Variants in C2orf42 observed in about 807,000 individuals in gnomAD.
C2orf42 encodes the protein uncharacterized protein C2orf42.
C2orf42 carries 44 observed loss-of-function variants against 58.9 expected under a neutral mutation model. The observed-to-expected ratio is 0.75, with a 90% CI of 0.59 to 0.96. The LOEUF is 0.96. Ranked by LOEUF, C2orf42 falls within the 40% of genes least tolerant of loss-of-function variation. C2orf42 has a pLI of 0.00. For missense variants in C2orf42, 630 were observed against 699.2 expected (o/e 0.90, Z 1.12); for synonymous variants, 239 against 265.4 (o/e 0.90, Z 0.97).
intron 7 of C2orf42, 55 bp from the exon 8 acceptor site, chr2:70,165,247 G>A (rs11126263): frequency 0.1 from 101,706 of 1,017,054 alleles, 9,312 homozygotes; most frequent in African/African-American, 0.4. Flanking sequence ...ATTTTCTTTT[G>A]TTGTATTTGT....
chr2:70,165,549 GT>G lies in C2orf42; in HGVS notation c.1230del (p.Lys410AsnfsTer38). On this transcript the variant is annotated frameshift_variant, in exon 7 of 10. Transcript: ENST00000264434. LOFTEE classifies it high-confidence loss of function. ...QQRISIGSAK[K>X]RLPNSTTAFV... is the part of the protein sequence containing the mutation. The stretch of plus-strand genomic sequence containing the variant: ...GTACCTGTGGTGGAGTTGGGGAGCC[GT>G]TTTTTTGCACTTCCTATAGATATTC... The G allele has an allele frequency of 2.5e-6, 4 of 1,603,480 alleles. No homozygotes were observed. The highest frequency in any genetic ancestry group is 3.4e-6 in the Non-Finnish European group (4 of 1,170,446).
chr2:70,155,436 T>A lies in C2orf42; in HGVS notation c.1517-4872A>T, dbSNP rs368880744. On this transcript the variant is annotated intron_variant, in intron 9 of 9. Transcript: ENST00000264434. ...CCAGCCTCCCAAAGTGCTGGGATTA[T>A]AGGTGTGAGCTGCTGTGCTCTGTCA... Among the ~76,000 whole-genome samples the A allele has an allele frequency of 7.9e-5, 12 of 152,122 alleles. No individual in the cohort carries two copies. In the East Asian group the frequency reaches 9.7e-4, roughly 12 times the overall value.
chr2:70,177,152 A>T (rs931713914), intron 4 of C2orf42, among the ~76,000 whole-genome samples: 4 of 151,958 alleles, frequency 2.6e-5, no homozygotes, highest in African/African-American at 9.7e-5. Flanking sequence ...AGCACCTGTA[A>T]TCACAGCTAC....
At chr2:70,187,252 T>G (rs1675004482) in intron 1 of C2orf42, among the ~76,000 whole-genome samples, 2 of 151,694 alleles carry the variant, frequency 1.3e-5, no homozygotes, top group Non-Finnish European at 2.9e-5. Flanking sequence ...TTCTTTTACT[T>G]TTGTTGTTGT....
At chr2:70,168,967 G>A (rs560331445) in intron 6 of C2orf42, among the ~76,000 whole-genome samples, 8 of 151,980 alleles carry the variant, frequency 5.3e-5, no homozygotes, top group East Asian at 1.9e-4. Flanking sequence ...CGCCCACCTC[G>A]GCCTCCCAAA....
In C2orf42 at chr2:70,182,730, T is replaced by C. The variant is rs990363843; in HGVS notation, c.-76A>G. 2.0e-5 allele frequency: 3 copies of C among 152,182 alleles called. No individual in the cohort carries two copies. Among genetic ancestry groups the C allele is most frequent in the African/African-American group, 7.2e-5 (3 of 41,444 alleles). The allele number at this position is 152,182 out of a possible 1,614,324, so 9.4% of individuals were successfully genotyped here. A position where few individuals can be genotyped will look rare whatever the true frequency, so the allele number is the denominator to read the frequency against. ...CTGAATTCATAAGACTTAAAAGGTG[T>C]TTCATTAGTTTCTAATGATCAGGTG... On this transcript the variant is annotated 5_prime_UTR_variant, in exon 2 of 10. Coordinates refer to ENST00000264434, the MANE Select transcript of C2orf42 (RefSeq NM_017880.3).
At chr2:70,172,020 C>G (rs1435183309) in intron 5 of C2orf42, among the ~76,000 whole-genome samples, 2 of 148,662 alleles carry the variant, frequency 1.3e-5, no homozygotes, top group African/African-American at 4.9e-5. Flanking sequence ...GTCAGGAATT[C>G]GAGACCAGCC....
At chr2:70,179,883 G>A (rs1457694714) in intron 3 of C2orf42, among the ~76,000 whole-genome samples, 1 of 151,966 alleles carries the variant, frequency 6.6e-6, no homozygotes, top group Non-Finnish European at 1.5e-5. Flanking sequence ...AGGCTGTAAT[G>A]AGCCGTGATT....
rs1572954640 is a variant in C2orf42 at position 70,150,437 on chromosome 2, A to G, written c.1644T>C (p.His548=). The change falls in exon 10 of 10, where the codon CAT becomes CAC. Residue 548 remains histidine, a synonymous_variant. Transcript: ENST00000264434. ...KFEYGHHRNG[H]VAEYQDQRPP... ...GCCGCTGGTCTTGGTACTCCGCCAC[A>G]TGCCCATTCCGGTGGTGGCCATACT... 3 of 1,614,042 alleles carry G rather than the reference A, an allele frequency of 1.9e-6. No homozygotes were observed. Among genetic ancestry groups the G allele is most frequent in the African/African-American group, 2.7e-5 (2 of 74,912 alleles).
At chr2:70,152,436 AC>A (rs1403871133) in intron 9 of C2orf42, among the ~76,000 whole-genome samples, 1 of 152,210 alleles carries the variant, frequency 6.6e-6, no homozygotes, top group Non-Finnish European at 1.5e-5. Flanking sequence ...ACTGATGAAC[AC>A]TAAGACTACT....
chr2:70,184,708 T>C (rs968406105), intron 1 of C2orf42, among the ~76,000 whole-genome samples: 2 of 151,914 alleles, frequency 1.3e-5, no homozygotes, highest in African/African-American at 4.8e-5. Context: ...TTTGAACTCC[T>C]GGGCTCAAGC....
intron 5 of C2orf42, among the ~76,000 whole-genome samples, chr2:70,174,322 A>G (rs1469768448): frequency 6.6e-6 from 1 of 152,128 alleles, no homozygotes; most frequent in Non-Finnish European, 1.5e-5. Context: ...ATAAATAAAT[A>G]AATAAAAATA....
rs755398826 is a variant in C2orf42, at chr2:70,169,677, C to A, written c.1040-16G>T. The A allele has an allele frequency of 3.5e-5, 41 of 1,179,362 alleles. No individual in the cohort carries two copies. Among genetic ancestry groups the A allele is most frequent in the African/African-American group, 1.0e-4 (7 of 66,720 alleles). The allele number at this position is 1,179,362 out of a possible 1,614,324, so 73.1% of individuals were successfully genotyped here. On this transcript the variant is annotated splice_polypyrimidine_tract_variant and intron_variant, in intron 5 of 9. Coordinates refer to ENST00000264434, the MANE Select transcript of C2orf42 (RefSeq NM_017880.3). ...TGACCACAGGCTAGGGAAAAAAAAA[C>A]CACACATACACACTTCTTTAGTAAC...
intron 7 of C2orf42, 91 bp from the exon 8 acceptor site, chr2:70,165,283 T>C (rs1257420075): frequency 4.2e-6 from 3 of 721,480 alleles, no homozygotes; most frequent in African/African-American, 3.6e-5. Flanking sequence ...ACAGTACTAT[T>C]ATTTCCTTAT....
chr2:70,156,360 C>T (rs967409739), intron 9 of C2orf42, among the ~76,000 whole-genome samples: 3 of 151,960 alleles, frequency 2.0e-5, no homozygotes, highest in Non-Finnish European at 1.5e-5. Flanking sequence ...GTGGTGTGTG[C>T]CTGTAGTCCC....
At position 70,169,458 on chromosome 2, in the gene C2orf42, T is replaced by C. The variant is rs114415079; in HGVS notation, c.1144+99A>G. ...TCTTGTGGCCCAGTGCTCTCTGGACTGAAGTCCAATTACTTTTCCTATCAG... is the reference window on the plus strand; with the variant it reads ...TCTTGTGGCCCAGTGCTCTCTGGACCGAAGTCCAATTACTTTTCCTATCAG... On this transcript the variant is annotated intron_variant, in intron 6 of 9. Coordinates refer to ENST00000264434, the MANE Select transcript of C2orf42 (RefSeq NM_017880.3). 2.5e-3 allele frequency: 1,440 copies of C among 576,454 alleles called. 20 individuals are homozygous for C. The highest frequency in any genetic ancestry group is 0.024 in the African/African-American group (1,334 of 54,690). 35.7% of individuals were successfully genotyped at this position (576,454 alleles called of 1,614,324 possible).
Position 70,186,313 on chromosome 2 carries a change from T to C in C2orf42, c.-281-3378A>G, listed in dbSNP as rs191786534. Among the ~76,000 whole-genome samples the C allele has an allele frequency of 4.5e-4, 68 of 151,212 alleles. No homozygotes were observed. The East Asian group carries it at 6.0e-3, about 13-fold the overall frequency. ...ACATATATATACGTATATGTATATA[T>C]ACACACACACACACACATATATACA... On this transcript the variant is annotated intron_variant, in intron 1 of 9. Transcript: ENST00000264434.
chr2:70,187,454 T>C (rs543183191), intron 1 of C2orf42, among the ~76,000 whole-genome samples: 32 of 152,084 alleles, frequency 2.1e-4, no homozygotes, highest in African/African-American at 7.5e-4. Flanking sequence ...GGTTTCACCA[T>C]GTTGGCCAGG....
intron 3 of C2orf42, 29 bp downstream of exon 3, chr2:70,181,134 G>T: frequency 7.4e-7 from 1 of 1,354,564 alleles, no homozygotes; most frequent in Non-Finnish European, 1.0e-6. Flanking sequence ...TTAGAAAAAC[G>T]TAATAACCAC....
Sources: allele counts gnomAD v4.1 joint callset (sites outside exome capture counted in the v4.1 genomes callset), GRCh38; gene constraint gnomAD v4.1.1; transcripts MANE v1.5; gene names NCBI Gene and HGNC (gene_info 2026-07-23, HGNC 2026-07-21).